Variants in PRIMA1 observed in about 807,000 individuals in gnomAD.
PRIMA1 encodes the protein proline-rich membrane anchor 1.
Under a neutral mutation model 17.5 loss-of-function variants are expected in PRIMA1, and 7 were observed. That is an observed-to-expected ratio of 0.40 (90% CI 0.23 to 0.75). PRIMA1 has a LOEUF of 0.75. PRIMA1 is among the 30% of genes least tolerant of loss of function. The pLI is 0.37. For missense variants in PRIMA1, 200 were observed against 201.8 expected (o/e 0.99, Z 0.05); for synonymous variants, 97 against 77.9 (o/e 1.25, Z -1.29).
intron 3 of PRIMA1, among the ~76,000 whole-genome samples, chr14:93,770,478 C>T (rs79538993): frequency 2.0e-5 from 3 of 152,184 alleles, no homozygotes; most frequent in East Asian, 1.9e-4. Context: ...CTTCTCCACA[C>T]GAGGACCTTG....
Position 93,770,084 on chromosome 14 carries a change from C to A in PRIMA1, c.229+9092G>T, listed in dbSNP as rs112945705. Among the ~76,000 whole-genome samples the A allele has an allele frequency of 2.2e-3, 339 of 152,306 alleles. 2 individuals are homozygous for A. The highest frequency in any genetic ancestry group is 7.9e-3 in the African/African-American group (327 of 41,568). On this transcript the variant is annotated intron_variant, in intron 3 of 4. Coordinates refer to ENST00000393140, the MANE Select transcript of PRIMA1 (RefSeq NM_178013.4). ...CAGCCACAGCCATCACTGAGTGAGT[C>A]CCTGCTGCAGAATGATCTTAACTTA...
intron 3 of PRIMA1, among the ~76,000 whole-genome samples, chr14:93,758,999 A>C (rs1184051660): frequency 6.6e-6 from 1 of 152,204 alleles, no homozygotes; most frequent in Non-Finnish European, 1.5e-5. Context: ...TAAATGGTTC[A>C]CAAGTGAATC....
At chr14:93,764,427 G>GC (rs918910963) in intron 3 of PRIMA1, among the ~76,000 whole-genome samples, 24 of 150,742 alleles carry the variant, frequency 1.6e-4, no homozygotes, top group Non-Finnish European at 2.7e-4. Flanking sequence ...TGCATGTTCT[G>GC]CCCCCCCGCC....
Position 93,721,301 on chromosome 14 carries a change from T to G in PRIMA1, c.*143A>C. 1 of 598,576 alleles carries G rather than the reference T, an allele frequency of 1.7e-6. No individual in the cohort carries two copies. The highest frequency in any genetic ancestry group is 2.9e-6 in the Non-Finnish European group (1 of 340,170). 37.1% of individuals were successfully genotyped at this position (598,576 alleles called of 1,614,324 possible). ...ACCAGGGGCAAGCCTGGGAAGACAA[T>G]GGTTTCTCCTTCGGGAGGCTCAGGG... is the stretch of plus-strand genomic sequence containing the variant. On this transcript the variant is annotated 3_prime_UTR_variant, in exon 5 of 5. Transcript: ENST00000393140.
chr14:93,782,278 A>AC (rs879324297), intron 2 of PRIMA1, among the ~76,000 whole-genome samples: 43,342 of 150,382 alleles, frequency 0.29, 6,583 homozygotes, highest in Middle Eastern at 0.4. Flanking sequence ...AAAAATAAAT[A>AC]AATAAATAAA....
At chr14:93,728,113 G>A (rs1381166219) in intron 4 of PRIMA1, among the ~76,000 whole-genome samples, 2 of 152,208 alleles carry the variant, frequency 1.3e-5, no homozygotes, top group East Asian at 1.9e-4. Flanking sequence ...CTCAGGCACA[G>A]GGCGCCTCTC....
chr14:93,722,084 T>G (rs1270226935), intron 4 of PRIMA1, among the ~76,000 whole-genome samples: 1 of 71,872 alleles, frequency 1.4e-5, no homozygotes, highest in African/African-American at 5.4e-5. Flanking sequence ...GTGGTAGTGG[T>G]GATGCTGGTG....
intron 3 of PRIMA1, among the ~76,000 whole-genome samples, chr14:93,766,203 T>A: frequency 6.6e-6 from 1 of 152,124 alleles, no homozygotes; most frequent in East Asian, 1.9e-4. Flanking sequence ...TTCAACGAAA[T>A]GAACATGTCC....
chr14:93,779,500 C>A (rs112684018), intron 2 of PRIMA1, among the ~76,000 whole-genome samples, 189 bp from the exon 3 acceptor site: 1,644 of 152,294 alleles, frequency 0.011, 27 homozygotes, highest in African/African-American at 0.033. Context: ...GTTGGCCTGG[C>A]TGGTTGGAGA....
Position 93,722,861 on chromosome 14 carries a change from C to T in PRIMA1, c.360-1315G>A, listed in dbSNP as rs188943904. 2.5e-3 allele frequency among the ~76,000 whole-genome samples: 65 copies of T among 26,228 alleles called. No individual in the cohort carries two copies. In the East Asian group the frequency reaches 0.034, roughly 14 times the overall value. The allele number at this position is 26,228 out of a possible 152,430, so 17.2% of individuals were successfully genotyped here. On this transcript the variant is annotated intron_variant, in intron 4 of 4. Coordinates refer to ENST00000393140, the MANE Select transcript of PRIMA1 (RefSeq NM_178013.4). ...TAGCAATGATGGTGGTGAATATCTA[C>T]ACTAAGTTAGTACACATCAGTGGTT...
At chr14:93,778,065 C>T (rs1038194515) in intron 3 of PRIMA1, among the ~76,000 whole-genome samples, 1 of 152,206 alleles carries the variant, frequency 6.6e-6, no homozygotes, top group Non-Finnish European at 1.5e-5. Context: ...TGGCAGAGGC[C>T]TGGAGCAGAG....
intron 4 of PRIMA1, among the ~76,000 whole-genome samples, chr14:93,733,667 A>G (rs1289337673): frequency 6.6e-6 from 1 of 152,164 alleles, no homozygotes; most frequent in Non-Finnish European, 1.5e-5. Flanking sequence ...TATGAGAGTT[A>G]AAAGAAAAAA....
chr14:93,787,360 T>C (rs570779257), intron 2 of PRIMA1, among the ~76,000 whole-genome samples: 13 of 152,370 alleles, frequency 8.5e-5, no homozygotes, highest in Admixed American at 7.8e-4. Context: ...TAGAATGTTA[T>C]CATTGGAAGG....
At position 93,726,655 on chromosome 14, in the gene PRIMA1, C is replaced by T. The variant is rs544655615; in HGVS notation, c.360-5109G>A. On this transcript the variant is annotated intron_variant, in intron 4 of 4. Coordinates refer to ENST00000393140, the MANE Select transcript of PRIMA1 (RefSeq NM_178013.4). This position sits in a 1 kb window ranked among gnomAD's most constrained non-coding sequence, Gnocchi z 4.2. ...GTACACATGCACAAATCCACACACACATACAATATACACATACACATAGAC... is the reference window on the plus strand; with the variant it reads ...GTACACATGCACAAATCCACACACATATACAATATACACATACACATAGAC... Among the ~76,000 whole-genome samples the T allele has an allele frequency of 9.2e-5, 14 of 152,196 alleles. No homozygotes were observed. The highest frequency in any genetic ancestry group is 3.4e-4 in the African/African-American group (14 of 41,502).
At chr14:93,748,963 G>T (rs1365800959) in intron 3 of PRIMA1, among the ~76,000 whole-genome samples, 1 of 152,230 alleles carries the variant, frequency 6.6e-6, no homozygotes, top group South Asian at 2.1e-4. Flanking sequence ...CAGGAGCCGG[G>T]AACAGCAGGA....
At chr14:93,731,534 A>G (rs1241014662) in intron 4 of PRIMA1, among the ~76,000 whole-genome samples, 1 of 152,238 alleles carries the variant, frequency 6.6e-6, no homozygotes, top group Non-Finnish European at 1.5e-5. Context: ...TAAATGTGCA[A>G]TGCTCTAGCC....
intron 2 of PRIMA1, among the ~76,000 whole-genome samples, chr14:93,780,330 T>C (rs1039312632): frequency 3.3e-5 from 5 of 152,206 alleles, no homozygotes; most frequent in Non-Finnish European, 5.9e-5. Flanking sequence ...ATCTTCACCA[T>C]GGCACTGTGA....
chr14:93,762,369 C>T (rs1337356112), intron 3 of PRIMA1, among the ~76,000 whole-genome samples: 1 of 152,114 alleles, frequency 6.6e-6, no homozygotes, highest in Non-Finnish European at 1.5e-5. Context: ...GGTGGGTTGG[C>T]TGGGAGATGA....
intron 3 of PRIMA1, among the ~76,000 whole-genome samples, chr14:93,746,485 A>G (rs2076219100): frequency 6.6e-6 from 1 of 152,000 alleles, no homozygotes; most frequent in Non-Finnish European, 1.5e-5. Flanking sequence ...TGGGCCTGGC[A>G]GTTCTGGGGA....
Sources: allele counts gnomAD v4.1 joint callset (sites outside exome capture counted in the v4.1 genomes callset), GRCh38; gene constraint gnomAD v4.1.1; non-coding constraint Gnocchi (gnomAD v3.1); transcripts MANE v1.5; gene names NCBI Gene and HGNC (gene_info 2026-07-23, HGNC 2026-07-21).